The following PRKN variants were observed in gnomAD, a reference collection of about 807,000 sequenced individuals.
PRKN encodes the protein E3 ubiquitin-protein ligase parkin.
Under a neutral mutation model 59.5 loss-of-function variants are expected in PRKN, and 56 were observed. The ratio of observed to expected loss-of-function variants is 0.94; its 90% CI spans 0.76 to 1.18. The LOEUF (loss-of-function observed/expected upper bound fraction) is 1.18, where lower values mean the gene tolerates loss of function less well. Ranked by LOEUF, PRKN falls within the 50% of genes most tolerant of loss-of-function variation. The pLI, the probability that PRKN is intolerant of heterozygous loss-of-function variation, is 0.00. For missense variants in PRKN, 657 were observed against 596.4 expected (o/e 1.10, Z -1.06); for synonymous variants, 250 against 222.1 (o/e 1.13, Z -1.12).
chr6:162,678,314 T>C (rs1779631110), intron 1 of PRKN, among the ~76,000 whole-genome samples: 1 of 152,204 alleles, frequency 6.6e-6, no homozygotes, highest in Non-Finnish European at 1.5e-5. Context: ...TTGGGGTAAA[T>C]GTCTAAAAGT....
intron 6 of PRKN, among the ~76,000 whole-genome samples, chr6:161,825,479 T>G (rs1792205105): frequency 6.6e-6 from 1 of 152,200 alleles, no homozygotes; most frequent in Non-Finnish European, 1.5e-5. Context: ...TGGTCTGGGC[T>G]GCTCATGGCC....
At chr6:161,438,727 G>C (rs1269395015) in intron 9 of PRKN, among the ~76,000 whole-genome samples, 2 of 152,126 alleles carry the variant, frequency 1.3e-5, no homozygotes, top group Non-Finnish European at 2.9e-5. Context: ...TTAGTAAACC[G>C]TTAAGTGCTC....
intron 5 of PRKN, among the ~76,000 whole-genome samples, chr6:162,052,187 T>A (rs548509065): frequency 1.3e-5 from 2 of 152,274 alleles, no homozygotes; most frequent in South Asian, 4.1e-4. Flanking sequence ...CAGGTCAAAT[T>A]TCAGATCTAA....
intron 1 of PRKN, among the ~76,000 whole-genome samples, chr6:162,645,875 T>C (rs981898695): frequency 3.5e-5 from 5 of 144,232 alleles, no homozygotes; most frequent in Non-Finnish European, 6.1e-5. Context: ...TCTCTTTTTT[T>C]TTTTTTTTTT....
At chr6:162,306,571 A>C (rs1260933152) in intron 2 of PRKN, among the ~76,000 whole-genome samples, 1 of 152,168 alleles carries the variant, frequency 6.6e-6, no homozygotes, top group Non-Finnish European at 1.5e-5. Context: ...ATTGTGTGAA[A>C]ATTGTTTTCC....
intron 2 of PRKN, among the ~76,000 whole-genome samples, chr6:162,348,803 A>G (rs536764275): frequency 2.1e-4 from 32 of 151,970 alleles, no homozygotes; most frequent in African/African-American, 7.5e-4. Context: ...AAAGAAAAAG[A>G]GAGAGAGAAA....
At position 161,562,990 on chromosome 6, in the gene PRKN, C is replaced by A. The variant is rs1357515566; in HGVS notation, c.933+6365G>T. On this transcript the variant is annotated intron_variant, in intron 8 of 11. Transcript: ENST00000366898. The surrounding 1 kb of genome is among the most constrained non-coding windows in gnomAD (Gnocchi z 4.3). The stretch of plus-strand genomic sequence containing the variant: ...TCATCTTTTGGCACTGTCCTTCCTG[C>A]TCAGTATTTTCCAGCCACCTTGGTT... Among the ~76,000 whole-genome samples the A allele has an allele frequency of 1.3e-5, 2 of 152,162 alleles. No individual in the cohort carries two copies. Among genetic ancestry groups the A allele is most frequent in the African/African-American group, 2.4e-5 (1 of 41,440 alleles).
chr6:161,906,395 C>G (rs1778145697), intron 6 of PRKN, among the ~76,000 whole-genome samples: 2 of 152,062 alleles, frequency 1.3e-5, no homozygotes, highest in African/African-American at 2.4e-5. Flanking sequence ...CAGCTTCCAC[C>G]ATCAGCATCA....
intron 7 of PRKN, among the ~76,000 whole-genome samples, chr6:161,717,703 G>C (rs2128184300): frequency 6.6e-6 from 1 of 152,290 alleles, no homozygotes; most frequent in Admixed American, 6.5e-5. Context: ...ATTATACTTT[G>C]TAGTAGCCAT....
At chr6:161,993,768 A>G (rs1358314081) in intron 5 of PRKN, among the ~76,000 whole-genome samples, 1 of 152,192 alleles carries the variant, frequency 6.6e-6, no homozygotes, top group Non-Finnish European at 1.5e-5. Flanking sequence ...GCTGTAAAAG[A>G]AGCACTGAGC....
chr6:161,965,397 G>C (rs1351003307), intron 6 of PRKN, among the ~76,000 whole-genome samples: 1 of 152,044 alleles, frequency 6.6e-6, no homozygotes, highest in Non-Finnish European at 1.5e-5. Context: ...TGTCTCGAAG[G>C]TTAATTTCCG....
At chr6:162,322,307 C>T (rs2128122043) in intron 2 of PRKN, among the ~76,000 whole-genome samples, 1 of 151,940 alleles carries the variant, frequency 6.6e-6, no homozygotes, top group African/African-American at 2.4e-5. Context: ...GAAGAAAGAC[C>T]TAAATAAATG....
At chr6:162,391,882 G>A (rs535858175) in intron 2 of PRKN, among the ~76,000 whole-genome samples, 3 of 152,070 alleles carry the variant, frequency 2.0e-5, no homozygotes, top group African/African-American at 4.8e-5. Context: ...AAAGGCCAAC[G>A]CATTACATTT....
chr6:162,216,982 T>C (rs891275761), intron 3 of PRKN, among the ~76,000 whole-genome samples: 1 of 152,188 alleles, frequency 6.6e-6, no homozygotes, highest in Non-Finnish European at 1.5e-5. Flanking sequence ...AAGCCTGCAA[T>C]AGACTTAGTT....
rs62436001 is a variant in PRKN, at chr6:161,969,982, C to T, written c.734+3320G>A. ...CCTACAACAGCATATCCCCACATAACGGAATTTTAGGTACCTATTTTTAAA... is the reference window on the plus strand; with the variant it reads ...CCTACAACAGCATATCCCCACATAATGGAATTTTAGGTACCTATTTTTAAA... On this transcript the variant is annotated intron_variant, in intron 6 of 11. Coordinates refer to ENST00000366898, the MANE Select transcript of PRKN (RefSeq NM_004562.3). Among the ~76,000 whole-genome samples the T allele has an allele frequency of 7.0e-3, 1,068 of 152,188 alleles. 9 individuals carry two copies. The highest frequency in any genetic ancestry group is 0.012 in the Non-Finnish European group (823 of 68,016).
chr6:161,501,737 T>C (rs1324736020), intron 9 of PRKN, among the ~76,000 whole-genome samples: 1 of 152,160 alleles, frequency 6.6e-6, no homozygotes, highest in East Asian at 1.9e-4. Context: ...TTGTTCTCTA[T>C]AGCATCTCAC....
intron 7 of PRKN, among the ~76,000 whole-genome samples, chr6:161,636,874 C>G (rs190476078): frequency 6.6e-6 from 1 of 152,120 alleles, no homozygotes; most frequent in South Asian, 2.1e-4. Context: ...ACCGGCCGCA[C>G]GTCAACAGCT....
At chr6:161,537,123 T>C (rs1419330436) in intron 9 of PRKN, among the ~76,000 whole-genome samples, 1 of 152,242 alleles carries the variant, frequency 6.6e-6, no homozygotes, top group Non-Finnish European at 1.5e-5. Flanking sequence ...AAGCCTACTT[T>C]GATTTAGATT....
chr6:161,450,492 G>A (rs978273264), intron 9 of PRKN, among the ~76,000 whole-genome samples: 2 of 152,110 alleles, frequency 1.3e-5, no homozygotes, highest in African/African-American at 4.8e-5. Flanking sequence ...TTGTTTTCTT[G>A]ACTTCTCCAT....
Sources: gnomAD v4.1 joint callset for allele counts (sites outside exome capture counted in the v4.1 genomes callset) on GRCh38, gnomAD v4.1.1 for gene constraint, Gnocchi (gnomAD v3.1) non-coding constraint, MANE v1.5 for transcripts, NCBI Gene and HGNC (gene_info 2026-07-23, HGNC 2026-07-21) for gene names.